RBPJ: variants seen among roughly 807,000 people sequenced by gnomAD.
RBPJ encodes recombining binding protein suppressor of hairless.
Under a neutral mutation model 67.8 loss-of-function variants are expected in RBPJ, and 9 were observed. The observed-to-expected ratio is 0.13, with a 90% CI of 0.08 to 0.23. RBPJ has a LOEUF of 0.23. Among genes scored for constraint, RBPJ ranks in the 10% least tolerant of loss-of-function variants. The pLI, the probability that RBPJ is intolerant of heterozygous loss-of-function variation, is 1.00. For missense variants in RBPJ, 305 were observed against 595.6 expected (o/e 0.51, Z 5.08); for synonymous variants, 198 against 203.3 (o/e 0.97, Z 0.22).
the RBPJ span, chr4:26,113,315 T>C: frequency 4.0e-5 from 19 of 479,240 alleles, no homozygotes; most frequent in Non-Finnish European, 6.5e-5. Context: ...TGAGGATAAA[T>C]AAACCTACGA....
chr4:26,363,509 G>T (rs1179301218), intron 1 of RBPJ, among the ~76,000 whole-genome samples: 2 of 152,174 alleles, frequency 1.3e-5, no homozygotes, highest in African/African-American at 4.8e-5. Flanking sequence ...CACGATCTTG[G>T]CTCACTGCAG....
rs140054329 is a variant in RBPJ at position 26,240,145 on chromosome 4, A to C, written c.-167+76531A>C. ...CCCAATTAACACTGAATTTCAGATA[A>C]ATCACAAATAATATTTTTAGTGTAA... On this transcript the variant is annotated intron_variant, in intron 1 of 4. Coordinates refer to the RBPJ transcript ENST00000512351. Among the ~76,000 whole-genome samples the C allele has an allele frequency of 5.9e-3, 893 of 152,326 alleles. 15 individuals carry two copies. The highest frequency in any genetic ancestry group is 0.021 in the African/African-American group (853 of 41,566).
intron 1 of RBPJ, among the ~76,000 whole-genome samples, chr4:26,303,009 C>T (rs756041779): frequency 4.6e-5 from 7 of 151,492 alleles, no homozygotes; most frequent in African/African-American, 7.3e-5. Flanking sequence ...AGTCATACCC[C>T]GTCTCTACTA....
chr4:26,339,555 A>G (rs1176592833), intron 1 of RBPJ, among the ~76,000 whole-genome samples: 1 of 152,182 alleles, frequency 6.6e-6, no homozygotes, highest in East Asian at 1.9e-4. Context: ...AATCACTTGA[A>G]TCTGGGAGGC....
chr4:26,280,673 G>C (rs1292106247), intron 1 of RBPJ, among the ~76,000 whole-genome samples: 3 of 152,076 alleles, frequency 2.0e-5, no homozygotes, highest in South Asian at 4.1e-4. Flanking sequence ...TGCACTTAAT[G>C]CCCTTGAATT....
chr4:26,253,391 A>G (rs1423033389), intron 1 of RBPJ, among the ~76,000 whole-genome samples: 1 of 138,364 alleles, frequency 7.2e-6, no homozygotes, highest in East Asian at 2.0e-4. Context: ...GGCTCACTGC[A>G]AGCTCCGCCT....
rs541849859 is a variant in RBPJ, at chr4:26,406,522, T to C, written c.155+252T>C. On this transcript the variant is annotated intron_variant, in intron 3 of 10. Coordinates refer to ENST00000355476, the MANE Select transcript of RBPJ (RefSeq NM_015874.6). Reference sequence around the variant, plus strand: ...GACCTCTCAGCAAGGCAGTCTTTACTTTCTGCAGAAAGGGTGCCCCTCGCA... The same window carrying C: ...GACCTCTCAGCAAGGCAGTCTTTACCTTCTGCAGAAAGGGTGCCCCTCGCA... Among the ~76,000 whole-genome samples the C allele has an allele frequency of 7.9e-5, 12 of 152,308 alleles. No homozygotes were observed. In the South Asian group the frequency reaches 2.1e-3, roughly 26 times the overall value.
chr4:26,195,645 AGTGCAGTGGT>A (rs1330333839), intron 1 of RBPJ, among the ~76,000 whole-genome samples: 1 of 151,962 alleles, frequency 6.6e-6, no homozygotes, highest in Non-Finnish European at 1.5e-5. Context: ...CCCAGGCTGG[AGTGCAGTGGT>A]GTGATCTTGG....
At chr4:26,300,753 G>A (rs1722047914) in intron 1 of RBPJ, among the ~76,000 whole-genome samples, 6 of 152,184 alleles carry the variant, frequency 3.9e-5, no homozygotes, top group Non-Finnish European at 8.8e-5. Flanking sequence ...CCAGTGCTTA[G>A]TAACAGCCCC....
intron 1 of RBPJ, among the ~76,000 whole-genome samples, chr4:26,255,437 A>T (rs571891114): frequency 6.8e-6 from 1 of 147,850 alleles, no homozygotes; most frequent in East Asian, 2.0e-4. Flanking sequence ...GTAATGTCTA[A>T]TGTGACCCCT....
At chr4:26,395,717 A>C (rs1042271538) in intron 2 of RBPJ, among the ~76,000 whole-genome samples, 3 of 152,116 alleles carry the variant, frequency 2.0e-5, no homozygotes, top group African/African-American at 4.8e-5. Context: ...AGTGTGCAGA[A>C]CTGTGAGCCC....
intron 1 of RBPJ, among the ~76,000 whole-genome samples, chr4:26,327,938 T>C (rs1723812275): frequency 6.6e-6 from 1 of 152,156 alleles, no homozygotes; most frequent in Non-Finnish European, 1.5e-5. Context: ...AAATGTAATA[T>C]TGTAGTTTTT....
At chr4:26,282,135 TC>T (rs386419910) in intron 1 of RBPJ, among the ~76,000 whole-genome samples, 18,000 of 55,730 alleles carry the variant, frequency 0.32, 1,722 homozygotes, top group East Asian at 0.48. Context: ...TCTCTCTCTC[TC>T]TTTTTTTTTT....
At chr4:26,106,818 C>G in the RBPJ span, among the ~76,000 whole-genome samples, 11 of 152,188 alleles carry the variant, frequency 7.2e-5, no homozygotes, top group Admixed American at 7.2e-4. Flanking sequence ...CTTACATCTA[C>G]AGAAATTCCA....
At chr4:26,428,510 A>C in intron 7 of RBPJ, 1 of 474,476 alleles carries the variant, frequency 2.1e-6, no homozygotes, top group Non-Finnish European at 3.7e-6. Context: ...AGAGGGTAAC[A>C]GTTTCTACAT....
At chr4:26,300,877 T>C (rs556960321) in intron 1 of RBPJ, among the ~76,000 whole-genome samples, 29 of 152,332 alleles carry the variant, frequency 1.9e-4, no homozygotes, top group Middle Eastern at 3.4e-3. Flanking sequence ...GCTTGAGTCA[T>C]ATAAGTATTA....
chr4:26,142,319 G>A, the RBPJ span, among the ~76,000 whole-genome samples: 1 of 152,194 alleles, frequency 6.6e-6, no homozygotes, highest in Non-Finnish European at 1.5e-5. Flanking sequence ...AGGATGATAT[G>A]CCACCACTCA....
intron 1 of RBPJ, among the ~76,000 whole-genome samples, chr4:26,218,533 C>G (rs1017984763): frequency 3.3e-5 from 5 of 152,194 alleles, no homozygotes; most frequent in Non-Finnish European, 7.3e-5. Flanking sequence ...AGCTCTGGAG[C>G]CTGCCATTCT....
chr4:26,266,452 G>T (rs547505719), intron 1 of RBPJ, among the ~76,000 whole-genome samples: 5 of 152,132 alleles, frequency 3.3e-5, no homozygotes, highest in Admixed American at 6.5e-5. Flanking sequence ...TTGCACAAAG[G>T]GTATAATCCA....
Sources: allele counts gnomAD v4.1 joint callset (sites outside exome capture counted in the v4.1 genomes callset), GRCh38; gene constraint gnomAD v4.1.1; transcripts MANE v1.5; gene names NCBI Gene and HGNC (gene_info 2026-07-23, HGNC 2026-07-21).